RIMKLB: variants seen among roughly 807,000 people sequenced by gnomAD.
RIMKLB encodes beta-citrylglutamate synthase B.
Under a neutral mutation model 32.0 loss-of-function variants are expected in RIMKLB, and 7 were observed. The observed-to-expected ratio is 0.22, with a 90% confidence interval of 0.12 to 0.41. The LOEUF is 0.41. Among genes scored for constraint, RIMKLB ranks in the 10% least tolerant of loss-of-function variants. The pLI, the probability that RIMKLB is intolerant of heterozygous loss-of-function variation, is 1.00. For missense variants in RIMKLB, 289 were observed against 498.7 expected, an observed-to-expected ratio of 0.58 and a Z score of 4.00; for synonymous variants, 172 against 185.1, an observed-to-expected ratio of 0.93 and a Z score of 0.57.
chr12:8,705,505 G>A (rs912525092), intron 1 of RIMKLB, among the ~76,000 whole-genome samples: 4 of 151,084 alleles, frequency 2.6e-5, no homozygotes, highest in South Asian at 2.1e-4. Context: ...GTAAAATGCC[G>A]GTGATATTAA....
chr12:8,669,855 G>A, the RIMKLB span, among the ~76,000 whole-genome samples: 30 of 151,364 alleles, frequency 2.0e-4, no homozygotes, highest in African/African-American at 6.3e-4. Context: ...GTGAAACCCC[G>A]TCTCTACTAA....
intron 1 of RIMKLB, among the ~76,000 whole-genome samples, chr12:8,703,796 C>T (rs1479127794): frequency 6.6e-6 from 1 of 152,128 alleles, no homozygotes; most frequent in Non-Finnish European, 1.5e-5. Flanking sequence ...CAAATGAAGA[C>T]CATAGCACAC....
At chr12:8,680,317 C>T (rs569785204), upstream of RIMKLB, among the ~76,000 whole-genome samples, 241 of 152,174 alleles carry the variant, frequency 1.6e-3, no homozygotes, top group Non-Finnish European at 2.3e-3. Flanking sequence ...CCACCACGCC[C>T]GGCTAATCTT....
At chr12:8,713,563 C>T (rs1462811091) in intron 1 of RIMKLB, among the ~76,000 whole-genome samples, 1 of 152,090 alleles carries the variant, frequency 6.6e-6, no homozygotes, top group Non-Finnish European at 1.5e-5. Context: ...TGACGAGCTA[C>T]AGTTATTAAG....
chr12:8,694,887 T>C (rs1447912031), upstream of RIMKLB, among the ~76,000 whole-genome samples: 5 of 152,360 alleles, frequency 3.3e-5, no homozygotes, highest in African/African-American at 9.6e-5. Flanking sequence ...GTATAATTTC[T>C]CTTTGATTAC....
At chr12:8,698,651 T>G (rs1433302550) in intron 1 of RIMKLB, among the ~76,000 whole-genome samples, 1 of 151,766 alleles carries the variant, frequency 6.6e-6, no homozygotes, top group African/African-American at 2.4e-5. Context: ...GAACGCCGGC[T>G]GGAGTCGGAC....
At chr12:8,695,358 CAT>C (rs1412509565), upstream of RIMKLB, among the ~76,000 whole-genome samples, 1 of 152,178 alleles carries the variant, frequency 6.6e-6, no homozygotes, top group African/African-American at 2.4e-5. Flanking sequence ...GCCGCCTAAA[CAT>C]ATCAACCATG....
At chr12:8,763,835 A>G (rs767594705) in intron 5 of RIMKLB, among the ~76,000 whole-genome samples, 5 of 152,102 alleles carry the variant, frequency 3.3e-5, no homozygotes, top group Non-Finnish European at 5.9e-5. Context: ...CTATCCCTGA[A>G]CCCTTGAGGT....
the RIMKLB span, among the ~76,000 whole-genome samples, chr12:8,674,863 C>CTTTT: frequency 7.8e-6 from 1 of 128,258 alleles, no homozygotes; most frequent in Non-Finnish European, 1.6e-5. Context: ...TGTCACAATT[C>CTTTT]TTTTTTTTTT....
intron 1 of RIMKLB, 170 bp from the exon 2 acceptor site, chr12:8,713,641 A>AT: frequency 2.0e-6 from 1 of 501,876 alleles, no homozygotes; most frequent in Admixed American, 3.3e-5. Flanking sequence ...CAGTTTCCAT[A>AT]TTACTAGTGT....
intron 1 of RIMKLB, among the ~76,000 whole-genome samples, chr12:8,701,368 C>T (rs1943380418): frequency 6.6e-6 from 1 of 151,818 alleles, no homozygotes; most frequent in African/African-American, 2.4e-5. Context: ...AAAGTACTGA[C>T]TTTCTGGCTT....
At position 8,744,137 on chromosome 12, in the gene RIMKLB, G is replaced by A. The variant is rs768538790; in HGVS notation, c.176-5725G>A. 2.6e-5 allele frequency among the ~76,000 whole-genome samples: 4 copies of A among 152,106 alleles called. No individual in the cohort carries two copies. The South Asian group carries it at 8.3e-4, about 31-fold the overall frequency. ...TAAGCTCTACGTCAAAGGCATGAGT[G>A]ATATTTGGTGAGTGCTCAAGAGATC... On this transcript the variant is annotated intron_variant, in intron 2 of 5. Transcript: ENST00000535829.
At chr12:8,745,013 G>A (rs113715002) in intron 2 of RIMKLB, among the ~76,000 whole-genome samples, 6,723 of 151,870 alleles carry the variant, frequency 0.044, 246 homozygotes, top group Admixed American at 0.072. Context: ...ACCTGCCAAC[G>A]GGCCCGGTGT....
chr12:8,684,907 G>C (rs1942526725), intron 1 of RIMKLB, among the ~76,000 whole-genome samples: 2 of 152,212 alleles, frequency 1.3e-5, no homozygotes, highest in Admixed American at 6.5e-5. Context: ...ACAGGCGTGA[G>C]CAACCGCACC....
chr12:8,764,124 CATG>C (rs1375524571), intron 5 of RIMKLB, among the ~76,000 whole-genome samples: 1 of 152,182 alleles, frequency 6.6e-6, no homozygotes, highest in Non-Finnish European at 1.5e-5. Flanking sequence ...GGGGCTACTG[CATG>C]ATTTTACTAG....
chr12:8,741,884 G>A (rs1013082235), intron 2 of RIMKLB, among the ~76,000 whole-genome samples: 2 of 151,378 alleles, frequency 1.3e-5, no homozygotes, highest in East Asian at 1.9e-4. Flanking sequence ...GTGTACCCCC[G>A]AATCTAAAAT....
At chr12:8,706,983 G>A (rs1256932008) in intron 1 of RIMKLB, among the ~76,000 whole-genome samples, 1 of 152,100 alleles carries the variant, frequency 6.6e-6, no homozygotes, top group Non-Finnish European at 1.5e-5. Flanking sequence ...CAGAAGGAGA[G>A]ATGTCAGGAG....
exon 1 of RIMKLB, chr12:8,681,752 G>A (rs916978721): frequency 6.6e-6 from 1 of 152,222 alleles, no homozygotes; most frequent in Non-Finnish European, 1.5e-5. Flanking sequence ...AGGGACAGAA[G>A]CCCCTGTCTG....
At chr12:8,705,011 C>T (rs1216039338) in intron 1 of RIMKLB, among the ~76,000 whole-genome samples, 1 of 151,196 alleles carries the variant, frequency 6.6e-6, no homozygotes, top group African/African-American at 2.4e-5. Flanking sequence ...AAACCCCAAA[C>T]TAAAACCATT....
Sources: allele counts gnomAD v4.1 joint callset (sites outside exome capture counted in the v4.1 genomes callset), GRCh38; gene constraint gnomAD v4.1.1; transcripts MANE v1.5; gene names NCBI Gene and HGNC (gene_info 2026-07-23, HGNC 2026-07-21).